The following ARHGAP24 variants were observed in gnomAD, a reference collection of about 807,000 sequenced individuals.
The protein encoded by ARHGAP24 is rho GTPase-activating protein 24.
ARHGAP24 carries 50 observed loss-of-function variants against 76.4 expected under a neutral mutation model. The ratio of observed to expected loss-of-function variants is 0.65; its 90% confidence interval spans 0.52 to 0.83. The LOEUF is 0.83. Among genes scored for constraint, ARHGAP24 ranks in the 40% least tolerant of loss-of-function variants. The probability of loss-of-function intolerance (pLI) is 0.00; values close to 1 mark genes in which losing one functional copy is unlikely to be tolerated. For missense variants in ARHGAP24, 930 were observed against 914.2 expected, an observed-to-expected ratio of 1.02 and a Z score of -0.22; for synonymous variants, 345 against 323.3, an observed-to-expected ratio of 1.07 and a Z score of -0.72.
rs572768525 is a variant in ARHGAP24 at position 85,875,632 on chromosome 4, T to C, written c.269-48016T>C. 4.8e-5 allele frequency among the ~76,000 whole-genome samples: 6 copies of C among 125,086 alleles called. No individual in the cohort carries two copies. The East Asian group carries it at 1.0e-3, about 22-fold the overall frequency. 82.1% of individuals were successfully genotyped at this position (125,086 alleles called of 152,430 possible). A position where few individuals can be genotyped will look rare whatever the true frequency, so the allele number is the denominator to read the frequency against. ...TTATATATATGTAATGTATATATAA[T>C]ATAAATATATATTTATATTATATAT... On this transcript the variant is annotated intron_variant, in intron 3 of 9. Coordinates refer to ENST00000395184, the MANE Select transcript of ARHGAP24 (RefSeq NM_001025616.3).
At chr4:85,668,630 C>T (rs1722719470) in intron 2 of ARHGAP24, among the ~76,000 whole-genome samples, 1 of 152,098 alleles carries the variant, frequency 6.6e-6, no homozygotes, top group African/African-American at 2.4e-5. Context: ...ATGTGACTGT[C>T]CTTGCAAAGA....
intron 3 of ARHGAP24, among the ~76,000 whole-genome samples, chr4:85,865,025 A>G (rs1169282513): frequency 6.6e-6 from 1 of 152,046 alleles, no homozygotes; most frequent in Non-Finnish European, 1.5e-5. Context: ...TTGTAAGCAA[A>G]AGGACCTAAT....
At chr4:85,756,605 A>G (rs1401901012) in intron 3 of ARHGAP24, among the ~76,000 whole-genome samples, 1 of 152,088 alleles carries the variant, frequency 6.6e-6, no homozygotes, top group East Asian at 1.9e-4. Context: ...TTTTCCAATG[A>G]CTTGAAACAT....
chr4:85,717,066 G>A (rs924535249), intron 2 of ARHGAP24, among the ~76,000 whole-genome samples: 1 of 152,008 alleles, frequency 6.6e-6, no homozygotes, highest in African/African-American at 2.4e-5. Flanking sequence ...ATATCTGGGG[G>A]AACAAACAGA....
At chr4:85,734,742 A>G (rs1725543256) in intron 3 of ARHGAP24, among the ~76,000 whole-genome samples, 1 of 150,548 alleles carries the variant, frequency 6.6e-6, no homozygotes, top group Non-Finnish European at 1.5e-5. Flanking sequence ...AGATAATGAC[A>G]AAACTGTGCT....
chr4:85,516,408 G>A (rs1157090081), intron 1 of ARHGAP24, among the ~76,000 whole-genome samples: 2 of 149,308 alleles, frequency 1.3e-5, no homozygotes, highest in African/African-American at 2.6e-5. Flanking sequence ...TTTAACTCTT[G>A]TTTATATCAA....
intron 2 of ARHGAP24, among the ~76,000 whole-genome samples, chr4:85,623,951 T>C (rs1720820983): frequency 6.6e-6 from 1 of 152,096 alleles, no homozygotes; most frequent in Admixed American, 6.6e-5. Context: ...TCCTGAGACT[T>C]TGCTGAAGTT....
chr4:85,877,358 C>T (rs1732993606), intron 3 of ARHGAP24, among the ~76,000 whole-genome samples: 1 of 152,138 alleles, frequency 6.6e-6, no homozygotes, highest in Non-Finnish European at 1.5e-5. Flanking sequence ...GATGCAGCAG[C>T]TCACTCCTGT....
At chr4:85,783,808 A>G (rs1669494317) in intron 3 of ARHGAP24, among the ~76,000 whole-genome samples, 1 of 151,782 alleles carries the variant, frequency 6.6e-6, no homozygotes, top group Admixed American at 6.6e-5. Flanking sequence ...AGTATTTGCT[A>G]AAGCATTTCC....
chr4:85,587,115 C>T (rs1727892631), intron 2 of ARHGAP24, among the ~76,000 whole-genome samples: 1 of 152,072 alleles, frequency 6.6e-6, no homozygotes, highest in African/African-American at 2.4e-5. Context: ...CTCATAGAAA[C>T]TTCTATAAGT....
chr4:85,931,865 C>T (rs935534461), intron 4 of ARHGAP24, among the ~76,000 whole-genome samples: 6 of 152,192 alleles, frequency 3.9e-5, no homozygotes, highest in African/African-American at 1.4e-4. Context: ...ATGTTAATGA[C>T]ATGTGCAGTA....
intron 2 of ARHGAP24, among the ~76,000 whole-genome samples, chr4:85,689,303 A>G (rs6849659): frequency 0.4 from 61,343 of 152,022 alleles, 14,737 homozygotes; most frequent in African/African-American, 0.67. Flanking sequence ...CATTTTATTG[A>G]TGGCTATGTA....
intron 2 of ARHGAP24, among the ~76,000 whole-genome samples, chr4:85,576,301 G>T (rs1727371316): frequency 6.6e-6 from 1 of 152,074 alleles, no homozygotes; most frequent in Non-Finnish European, 1.5e-5. Flanking sequence ...ATGGTGGCGG[G>T]CGCCTGTAGT....
At chr4:85,706,775 A>C (rs1353696448) in intron 2 of ARHGAP24, among the ~76,000 whole-genome samples, 1 of 152,108 alleles carries the variant, frequency 6.6e-6, no homozygotes, top group Non-Finnish European at 1.5e-5. Flanking sequence ...CATGTTGGTC[A>C]GGCTGGTCTC....
chr4:85,520,078 ATTG>A (rs1182177112), intron 1 of ARHGAP24, among the ~76,000 whole-genome samples: 3 of 152,284 alleles, frequency 2.0e-5, no homozygotes, highest in East Asian at 3.9e-4. Flanking sequence ...TAATTAATGA[ATTG>A]TTGTTTCAAA....
At chr4:85,557,837 T>A (rs1726450047) in intron 1 of ARHGAP24, among the ~76,000 whole-genome samples, 1 of 152,246 alleles carries the variant, frequency 6.6e-6, no homozygotes, top group South Asian at 2.1e-4. Context: ...CTTAGTGATG[T>A]CTTTTGATGA....
intron 3 of ARHGAP24, among the ~76,000 whole-genome samples, chr4:85,876,028 C>T (rs1018599099): frequency 2.6e-5 from 4 of 152,062 alleles, no homozygotes; most frequent in African/African-American, 4.8e-5. Flanking sequence ...CAGGCTTGAG[C>T]CACTGCACTC....
chr4:85,914,262 T>C (rs1375212683), intron 3 of ARHGAP24, among the ~76,000 whole-genome samples: 2 of 152,230 alleles, frequency 1.3e-5, no homozygotes, highest in South Asian at 2.1e-4. Context: ...TTGAAATACA[T>C]GAATTCTAAA....
chr4:85,865,098 TTGA>T (rs1313157316), intron 3 of ARHGAP24, among the ~76,000 whole-genome samples: 1 of 152,120 alleles, frequency 6.6e-6, no homozygotes, highest in Admixed American at 6.6e-5. Flanking sequence ...TAGAAATGAC[TTGA>T]TGGAGTTTGC....
Sources: allele counts gnomAD v4.1 joint callset (sites outside exome capture counted in the v4.1 genomes callset), GRCh38; gene constraint gnomAD v4.1.1; transcripts MANE v1.5; gene names NCBI Gene and HGNC (gene_info 2026-07-23, HGNC 2026-07-21).